The following CCDC7 variants were observed in gnomAD, a reference collection of about 807,000 sequenced individuals.
The protein encoded by CCDC7 is coiled-coil domain containing 7, also known as coiled-coil domain-containing protein 7.
Under a neutral mutation model 196.9 loss-of-function variants are expected in CCDC7, and 183 were observed. That is an observed-to-expected ratio of 0.93 (90% confidence interval 0.82 to 1.05). The LOEUF is 1.05. Among genes scored for constraint, CCDC7 ranks in the 50% least tolerant of loss-of-function variants. CCDC7 has a pLI of 0.00. For synonymous variants in CCDC7, 525 were observed against 484.6 expected (o/e 1.08, Z -1.10); for missense variants, 1,540 against 1,482.2 (o/e 1.04, Z -0.64).
intron 41 of CCDC7, among the ~76,000 whole-genome samples, chr10:32,875,888 A>G (rs1378701201): frequency 6.6e-6 from 1 of 151,990 alleles, no homozygotes; most frequent in African/African-American, 2.4e-5. Flanking sequence ...CATATTAAGT[A>G]TATACATTTT....
chr10:32,796,929 T>A (rs1317331363), intron 29 of CCDC7, among the ~76,000 whole-genome samples: 1 of 152,006 alleles, frequency 6.6e-6, no homozygotes, highest in African/African-American at 2.4e-5. Flanking sequence ...TATACAGAAT[T>A]CTAGGGGCAT....
At position 32,673,469 on chromosome 10, in the gene CCDC7, G is replaced by A. The variant is rs370575909; in HGVS notation, c.2122+9308G>A. On this transcript the variant is annotated intron_variant, in intron 21 of 41. Coordinates refer to ENST00000639629, the Ensembl canonical transcript of CCDC7. Reference sequence around the variant, plus strand: ...ATATATTATCGTTTTCAGTGTACAAGCCTTTTGCCTTTCGAATAAGTGTAT... The same window carrying A: ...ATATATTATCGTTTTCAGTGTACAAACCTTTTGCCTTTCGAATAAGTGTAT... Among the ~76,000 whole-genome samples the A allele has an allele frequency of 1.3e-3, 191 of 152,038 alleles. 4 individuals carry two copies. In the South Asian group the frequency reaches 0.039, roughly 31 times the overall value.
chr10:32,749,651 G>GT (rs571992330), intron 28 of CCDC7, among the ~76,000 whole-genome samples: 20 of 152,234 alleles, frequency 1.3e-4, no homozygotes, highest in African/African-American at 4.8e-4. Flanking sequence ...ACAATATATA[G>GT]TTTGTCTTTC....
chr10:32,613,993 A>G (rs921248065), intron 18 of CCDC7, among the ~76,000 whole-genome samples: 4 of 152,114 alleles, frequency 2.6e-5, no homozygotes, highest in African/African-American at 9.7e-5. Flanking sequence ...TTGATCTAAT[A>G]TTGACAGTAG....
At chr10:32,684,644 C>T (rs868247506) in intron 21 of CCDC7, among the ~76,000 whole-genome samples, 5 of 152,344 alleles carry the variant, frequency 3.3e-5, no homozygotes, top group Middle Eastern at 3.4e-3. Context: ...AGTTTACTTG[C>T]CACTCTGTCT....
intron 13 of CCDC7, among the ~76,000 whole-genome samples, chr10:32,560,349 C>A (rs1238578927): frequency 6.6e-6 from 1 of 152,082 alleles, no homozygotes; most frequent in African/African-American, 2.4e-5. Flanking sequence ...TCGAGAAGAG[C>A]AACTCCAAGA....
chr10:32,784,262 G>A (rs1242353579), intron 29 of CCDC7, among the ~76,000 whole-genome samples: 2 of 150,658 alleles, frequency 1.3e-5, no homozygotes, highest in Non-Finnish European at 2.9e-5. Flanking sequence ...TGCAGGATGT[G>A]CAGATTTGTT....
chr10:32,756,863 G>A (rs894683290), intron 28 of CCDC7, among the ~76,000 whole-genome samples: 4 of 152,166 alleles, frequency 2.6e-5, no homozygotes, highest in East Asian at 1.9e-4. Context: ...CCCATCTCAC[G>A]TGCAGAGACA....
At chr10:32,782,603 A>G (rs2081241192) in intron 29 of CCDC7, among the ~76,000 whole-genome samples, 1 of 152,200 alleles carries the variant, frequency 6.6e-6, no homozygotes, top group Admixed American at 6.5e-5. Context: ...GTTCTTATCA[A>G]ATTCCCATAA....
At chr10:32,712,464 C>T (rs1203915267) in intron 25 of CCDC7, among the ~76,000 whole-genome samples, 1 of 152,118 alleles carries the variant, frequency 6.6e-6, no homozygotes, top group Non-Finnish European at 1.5e-5. Context: ...ACATGCTGCA[C>T]GTGGGTGAAC....
intron 31 of CCDC7, among the ~76,000 whole-genome samples, chr10:32,821,041 G>C (rs907091773): frequency 2.0e-5 from 3 of 152,110 alleles, no homozygotes; most frequent in African/African-American, 7.2e-5. Context: ...CCTACAGAAT[G>C]GGAGAAAATT....
At chr10:32,731,383 T>C (rs532711549) in intron 28 of CCDC7, among the ~76,000 whole-genome samples, 99 of 152,306 alleles carry the variant, frequency 6.5e-4, no homozygotes, top group African/African-American at 2.2e-3. Context: ...ATGTAATCCA[T>C]TTACAATTAT....
Position 32,709,256 on chromosome 10 carries a change from G to A in CCDC7, c.2459-2364G>A, listed in dbSNP as rs534848330. On this transcript the variant is annotated intron_variant, in intron 24 of 41. Coordinates refer to ENST00000639629, the Ensembl canonical transcript of CCDC7. ...AAACACCACATGTTCTCACTCATAGGTGGGAATTGAACAATGAGAACACTT... is the reference window on the plus strand; with the variant it reads ...AAACACCACATGTTCTCACTCATAGATGGGAATTGAACAATGAGAACACTT... Among the ~76,000 whole-genome samples, 234 of 147,150 alleles carry A rather than the reference G, an allele frequency of 1.6e-3. 2 individuals carry two copies. The highest frequency in any genetic ancestry group is 4.4e-3 in the African/African-American group (174 of 39,776).
At chr10:32,766,588 C>T (rs2078339070) in intron 28 of CCDC7, among the ~76,000 whole-genome samples, 1 of 152,040 alleles carries the variant, frequency 6.6e-6, no homozygotes, top group Admixed American at 6.6e-5. Flanking sequence ...TTTTGTAAAA[C>T]AGTTCTTGGC....
intron 21 of CCDC7, among the ~76,000 whole-genome samples, chr10:32,682,516 A>G (rs1412107008): frequency 6.6e-6 from 1 of 152,206 alleles, no homozygotes; most frequent in Non-Finnish European, 1.5e-5. Flanking sequence ...GGTCATTCCC[A>G]GTAACGGGGT....
At position 32,705,009 on chromosome 10, in the gene CCDC7, C is replaced by T. The variant is rs539569729; in HGVS notation, c.2459-6611C>T. ...GCTTCGGGTCCCGCTCAGTGCGCTG[C>T]GCCCACTGTCCTGCACCCACTGTCC... On this transcript the variant is annotated intron_variant, in intron 24 of 41. Coordinates refer to ENST00000639629, the Ensembl canonical transcript of CCDC7. 6.2e-4 allele frequency among the ~76,000 whole-genome samples: 94 copies of T among 152,248 alleles called. 2 individuals are homozygous for T. Among genetic ancestry groups the T allele is most frequent in the Middle Eastern group, 6.8e-3 (2 of 294 alleles).
At chr10:32,814,958 A>G (rs2088069098) in intron 31 of CCDC7, among the ~76,000 whole-genome samples, 1 of 152,156 alleles carries the variant, frequency 6.6e-6, no homozygotes, top group South Asian at 2.1e-4. Context: ...TGCATGCCCA[A>G]GGAGATGCCC....
intron 25 of CCDC7, among the ~76,000 whole-genome samples, chr10:32,722,075 T>G (rs748689479): frequency 6.6e-6 from 1 of 152,124 alleles, no homozygotes. Flanking sequence ...GAAAACTGGC[T>G]TTATTAAGCT....
intron 31 of CCDC7, among the ~76,000 whole-genome samples, chr10:32,818,113 C>T (rs1050710621): frequency 5.3e-5 from 8 of 152,136 alleles, no homozygotes; most frequent in East Asian, 1.9e-4. Context: ...CAGAGACACA[C>T]ATAGGCTCAA....
Sources: allele counts gnomAD v4.1 joint callset (sites outside exome capture counted in the v4.1 genomes callset), GRCh38; gene constraint gnomAD v4.1.1; transcripts MANE v1.5; gene names NCBI Gene and HGNC (gene_info 2026-07-23, HGNC 2026-07-21).